COL6A5: variants seen among roughly 807,000 people sequenced by gnomAD.
The protein encoded by COL6A5 is collagen type VI alpha 5 chain, also known as collagen alpha-5(VI) chain.
A neutral mutation model predicts 65.6 loss-of-function variants in COL6A5; 48 were observed. The ratio of observed to expected loss-of-function variants is 0.73; its 90% CI spans 0.58 to 0.93. The LOEUF (loss-of-function observed/expected upper bound fraction) is 0.93. COL6A5 is among the 40% of genes least tolerant of loss of function. COL6A5 has a pLI of 0.00. For synonymous variants in COL6A5, 291 were observed against 322.8 expected, an observed-to-expected ratio of 0.90 and a Z score of 1.05; for missense variants, 914 against 928.3, an observed-to-expected ratio of 0.98 and a Z score of 0.20.
intron 1 of COL6A5, among the ~76,000 whole-genome samples, chr3:130,370,377 C>T (rs1935508891): frequency 6.6e-6 from 1 of 152,274 alleles, no homozygotes; most frequent in African/African-American, 2.4e-5. Flanking sequence ...GACCAAGAGT[C>T]ATAGAAAGAG....
exon 8 of COL6A5, chr3:130,395,313 T>A: frequency 6.4e-7 from 1 of 1,551,524 alleles, no homozygotes; most frequent in Non-Finnish European, 8.7e-7. Context: ...TGTGTCCTGG[T>A]TTTGGGCATA....
chr3:130,464,329 C>T lies in COL6A5; in HGVS notation c.1545-4466C>T, dbSNP rs115642053. ...TTAAAATTTTCTGCAGAGATGAGTC[C>T]ACTATGTTGCCCAGGCTTATTTTGA... On this transcript the variant is annotated intron_variant, in intron 5 of 7. Transcript: ENST00000512836. 3.9e-3 allele frequency among the ~76,000 whole-genome samples: 588 copies of T among 151,842 alleles called. 5 individuals are homozygous for T. The highest frequency in any genetic ancestry group is 0.013 in the African/African-American group (530 of 41,424).
Position 130,397,523 on chromosome 3 carries a change from G to T in COL6A5, c.3569-60G>T, listed in dbSNP as rs141652576. On this transcript the variant is annotated intron_variant and NMD_transcript_variant, in intron 8 of 41. Transcript: ENST00000312481. ...CATGACAGTGCTCCTTTTTTCTGCCGTCTCTCCTTCCTTACTCCTGTCTAC... is the reference window on the plus strand; with the variant it reads ...CATGACAGTGCTCCTTTTTTCTGCCTTCTCTCCTTCCTTACTCCTGTCTAC... 977 of 1,342,936 alleles carry T rather than the reference G, an allele frequency of 7.3e-4. 11 individuals are homozygous for T. The African/African-American group carries it at 0.012, about 17-fold the overall frequency. 83.2% of individuals were successfully genotyped at this position (1,342,936 alleles called of 1,614,324 possible). A position where few individuals can be genotyped will look rare whatever the true frequency, so the allele number is the denominator to read the frequency against.
chr3:130,454,971 T>C (rs1336419324), intron 4 of COL6A5, among the ~76,000 whole-genome samples: 1 of 151,780 alleles, frequency 6.6e-6, no homozygotes, highest in Non-Finnish European at 1.5e-5. Flanking sequence ...CAAGAACCAA[T>C]CTCTACAAAA....
intron 17 of COL6A5, among the ~76,000 whole-genome samples, chr3:130,408,814 T>C (rs549571552): frequency 2.6e-5 from 4 of 152,340 alleles, no homozygotes; most frequent in South Asian, 2.1e-4. Flanking sequence ...CGTTGAAATA[T>C]TGGGGGCTGG....
chr3:130,354,452 A>G (rs1934847671), intron 1 of COL6A5, among the ~76,000 whole-genome samples: 1 of 152,144 alleles, frequency 6.6e-6, no homozygotes, highest in South Asian at 2.1e-4. Flanking sequence ...ACTACGTAGA[A>G]CCCAATCCCT....
At chr3:130,353,535 A>G (rs1182453942) in intron 1 of COL6A5, among the ~76,000 whole-genome samples, 1 of 152,134 alleles carries the variant, frequency 6.6e-6, no homozygotes, top group Non-Finnish European at 1.5e-5. Context: ...CAAAACTAAA[A>G]CCTAAATTAG....
chr3:130,413,478 T>G, intron 20 of COL6A5, 67 bp from the exon 21 acceptor site: 1 of 1,400,348 alleles, frequency 7.1e-7, no homozygotes, highest in Non-Finnish European at 9.9e-7. Context: ...TGAAAGAGGC[T>G]GATTTGCCTC....
intron 1 of COL6A5, among the ~76,000 whole-genome samples, chr3:130,433,401 A>T (rs890961338): frequency 6.6e-6 from 1 of 152,176 alleles, no homozygotes; most frequent in African/African-American, 2.4e-5. Context: ...CTTGTTAACA[A>T]ATCATTTTAA....
At chr3:130,398,107 A>G (rs1212475608) in exon 10 of COL6A5, 2 of 1,522,864 alleles carry the variant, frequency 1.3e-6, no homozygotes, top group South Asian at 1.2e-5. Flanking sequence ...GGCTCAGAGA[A>G]GCAGGTATTG....
At chr3:130,398,690 G>A (rs1001093958) in intron 10 of COL6A5, among the ~76,000 whole-genome samples, 2 of 152,304 alleles carry the variant, frequency 1.3e-5, no homozygotes, top group African/African-American at 4.8e-5. Context: ...TGGAATGGGT[G>A]TGGGGTTACC....
In COL6A5 at chr3:130,406,937, C is replaced by T. The variant is rs1172193061; in HGVS notation, c.4479+616C>T. 1.2e-4 allele frequency among the ~76,000 whole-genome samples: 19 copies of T among 152,256 alleles called. No individual in the cohort carries two copies. The East Asian group carries it at 3.7e-3, about 29-fold the overall frequency. On this transcript the variant is annotated intron_variant and NMD_transcript_variant, in intron 17 of 41. Coordinates refer to the COL6A5 transcript ENST00000312481. Reference sequence around the variant, plus strand: ...TATATAATAAGAATCAGAGGTGAACCACACAGCCCTTGTCATCAAAGATCC... The same window carrying T: ...TATATAATAAGAATCAGAGGTGAACTACACAGCCCTTGTCATCAAAGATCC...
At chr3:130,468,644 T>C in intron 5 of COL6A5, 151 bp from the exon 38 acceptor site, 1 of 618,236 alleles carries the variant, frequency 1.6e-6, no homozygotes, top group Admixed American at 2.9e-5. Flanking sequence ...GGAGGGTGCA[T>C]CTGGGAACAA....
chr3:130,378,347 C>T (rs964491590), intron 3 of COL6A5, among the ~76,000 whole-genome samples: 9 of 152,120 alleles, frequency 5.9e-5, no homozygotes, highest in Admixed American at 5.9e-4. Flanking sequence ...TCACCACTTC[C>T]TCTTTTGTTG....
At chr3:130,376,963 C>CCT in intron 3 of COL6A5, 127 bp downstream of exon 3, 1 of 1,033,362 alleles carries the variant, frequency 9.7e-7, no homozygotes, top group Non-Finnish European at 1.3e-6. Context: ...AACTTCTACA[C>CCT]ATCATACCTA....
chr3:130,381,962 A>G (rs1184641197), intron 4 of COL6A5, among the ~76,000 whole-genome samples: 1 of 152,114 alleles, frequency 6.6e-6, no homozygotes, highest in Non-Finnish European at 1.5e-5. Flanking sequence ...TTAGTAATCC[A>G]ATTGTTTTAA....
intron 3 of COL6A5, 43 bp from the exon 4 acceptor site, chr3:130,379,369 TCCGGGC>T: frequency 6.8e-7 from 1 of 1,473,972 alleles, no homozygotes; most frequent in Non-Finnish European, 9.1e-7. Context: ...CCTTTTTCTC[TCCGGGC>T]CAGTGGTTTA....
At chr3:130,478,798 T>C (rs1309875839) in intron 7 of COL6A5, among the ~76,000 whole-genome samples, 1 of 152,092 alleles carries the variant, frequency 6.6e-6, no homozygotes, top group Admixed American at 6.6e-5. Context: ...TTTTCGATCC[T>C]GTACATACTT....
intron 5 of COL6A5, among the ~76,000 whole-genome samples, chr3:130,459,453 G>A (rs140193539): frequency 5.5e-4 from 83 of 152,184 alleles, no homozygotes; most frequent in Non-Finnish European, 7.9e-4. Context: ...TACCCCACCC[G>A]AGGGGATATA....
Sources: allele counts gnomAD v4.1 joint callset (sites outside exome capture counted in the v4.1 genomes callset), GRCh38; gene constraint gnomAD v4.1.1; transcripts MANE v1.5; gene names NCBI Gene and HGNC (gene_info 2026-07-23, HGNC 2026-07-21).